The following GLIS3 variants were observed in gnomAD, a reference collection of about 807,000 sequenced individuals.
The protein encoded by GLIS3 is zinc finger protein GLIS3.
Under a neutral mutation model 78.6 loss-of-function variants are expected in GLIS3, and 53 were observed. That is an observed-to-expected ratio of 0.67 (90% CI 0.54 to 0.85). The LOEUF (loss-of-function observed/expected upper bound fraction) is 0.85. Ranked by LOEUF, GLIS3 falls within the 40% of genes least tolerant of loss-of-function variation. The pLI, the probability that GLIS3 is intolerant of heterozygous loss-of-function variation, is 0.00. For synonymous variants in GLIS3, 684 were observed against 509.9 expected, an observed-to-expected ratio of 1.34 and a Z score of -4.60; for missense variants, 1,703 against 1,231.1, an observed-to-expected ratio of 1.38 and a Z score of -5.74.
the GLIS3 span, among the ~76,000 whole-genome samples, chr9:4,369,380 A>G: frequency 2.4e-4 from 36 of 152,360 alleles, no homozygotes; most frequent in African/African-American, 7.9e-4. Context: ...AATAAGAACA[A>G]TAATACCAAT....
At chr9:4,067,876 A>G (rs1827239883) in intron 4 of GLIS3, among the ~76,000 whole-genome samples, 1 of 152,168 alleles carries the variant, frequency 6.6e-6, no homozygotes, top group African/African-American at 2.4e-5. Context: ...ATAGTTAAAA[A>G]TAGAAATGAA....
intron 2 of GLIS3, among the ~76,000 whole-genome samples, chr9:4,277,326 A>T (rs1417937282): frequency 6.6e-6 from 1 of 152,244 alleles, no homozygotes; most frequent in Admixed American, 6.5e-5. Context: ...TAACCAACTG[A>T]CCAAGCAAGC....
the GLIS3 span, among the ~76,000 whole-genome samples, chr9:4,383,385 T>C: frequency 2.6e-5 from 4 of 152,266 alleles, no homozygotes; most frequent in Non-Finnish European, 4.4e-5. Flanking sequence ...TTTCTTATTA[T>C]TGACTTAAAT....
the GLIS3 span, among the ~76,000 whole-genome samples, chr9:4,441,524 G>A: frequency 6.6e-6 from 1 of 152,182 alleles, no homozygotes; most frequent in Non-Finnish European, 1.5e-5. Flanking sequence ...TCTTCTCAAA[G>A]TGTTGTTAAA....
At position 4,310,693 on chromosome 9, in the gene GLIS3, A is replaced by C. The variant is rs146736150; in HGVS notation, n.265-165T>G. On this transcript the variant is annotated intron_variant and non_coding_transcript_variant, in intron 2 of 4. Coordinates refer to the GLIS3 transcript ENST00000471664. ...CCATCTTGCAAGCATGTGTGACACC[A>C]AGGACCTCCTACAATGAGCCAATCA... 3.2e-3 allele frequency among the ~76,000 whole-genome samples: 490 copies of C among 152,216 alleles called. 2 individuals are homozygous for C. Among genetic ancestry groups the C allele is most frequent in the African/African-American group, 0.012 (478 of 41,536 alleles).
the GLIS3 span, among the ~76,000 whole-genome samples, chr9:4,461,021 T>C: frequency 2.4e-4 from 36 of 151,902 alleles, no homozygotes; most frequent in East Asian, 6.9e-3. Flanking sequence ...CTAAGACCAG[T>C]CTTACTTTTT....
At chr9:4,232,179 A>T (rs1822313959) in intron 2 of GLIS3, among the ~76,000 whole-genome samples, 1 of 152,120 alleles carries the variant, frequency 6.6e-6, no homozygotes, top group African/African-American at 2.4e-5. Flanking sequence ...GGGGTTCAAG[A>T]CCATCCTAAG....
At chr9:4,408,834 CTA>C in the GLIS3 span, among the ~76,000 whole-genome samples, 1 of 150,052 alleles carries the variant, frequency 6.7e-6, no homozygotes, top group Non-Finnish European at 1.5e-5. Flanking sequence ...CTTAAAATAA[CTA>C]AAAGTATAAT....
chr9:4,196,054 A>G lies in GLIS3; in HGVS notation c.389-70113T>C, dbSNP rs951177396. Among the ~76,000 whole-genome samples, 4 of 151,938 alleles carry G rather than the reference A, an allele frequency of 2.6e-5. No individual in the cohort carries two copies. The East Asian group carries it at 7.7e-4, about 29-fold the overall frequency. On this transcript the variant is annotated intron_variant, in intron 2 of 10. Coordinates refer to ENST00000381971, the MANE Select transcript of GLIS3 (RefSeq NM_001042413.2). ...ACTTGGAGAACTTTTATGTCTAGCT[A>G]AAGGATTGTGAATGGACCAATCAGC... is the stretch of plus-strand genomic sequence containing the variant.
intron 4 of GLIS3, among the ~76,000 whole-genome samples, chr9:4,042,510 G>C (rs550691318): frequency 6.6e-6 from 1 of 152,258 alleles, no homozygotes; most frequent in African/African-American, 2.4e-5. Context: ...TAAAGAATGA[G>C]TAGAGCATAA....
upstream of GLIS3, among the ~76,000 whole-genome samples, chr9:4,352,396 T>C (rs1228837498): frequency 1.3e-5 from 2 of 152,236 alleles, no homozygotes; most frequent in Non-Finnish European, 2.9e-5. Context: ...TAGCTCACAA[T>C]TCACCTTGGG....
chr9:3,957,257 G>A (rs1161354212), intron 4 of GLIS3, among the ~76,000 whole-genome samples: 2 of 152,212 alleles, frequency 1.3e-5, no homozygotes, highest in Admixed American at 6.5e-5. Flanking sequence ...CATTAAACCT[G>A]TTCTTGTTGA....
the GLIS3 span, among the ~76,000 whole-genome samples, chr9:4,368,423 C>A: frequency 4.0e-5 from 6 of 151,576 alleles, no homozygotes; most frequent in Admixed American, 2.0e-4. Context: ...CTGCTCACTG[C>A]AAGCTCCGCT....
chr9:4,038,098 G>A (rs1399381117), intron 4 of GLIS3, among the ~76,000 whole-genome samples: 1 of 152,154 alleles, frequency 6.6e-6, no homozygotes. Flanking sequence ...CTGTTCACCT[G>A]GCTTGGAGGA....
intron 4 of GLIS3, among the ~76,000 whole-genome samples, chr9:4,068,746 C>G (rs1044192191): frequency 1.3e-5 from 2 of 151,958 alleles, no homozygotes; most frequent in Admixed American, 6.6e-5. Context: ...CAGTGAAAAC[C>G]TCGAAAAAGA....
chr9:3,839,326 G>C (rs918316179), intron 9 of GLIS3, among the ~76,000 whole-genome samples: 5 of 152,128 alleles, frequency 3.3e-5, no homozygotes, highest in African/African-American at 1.2e-4. Flanking sequence ...TAAAACAAAT[G>C]GGCAGCAGAA....
At chr9:3,905,645 C>T (rs1264441877) in intron 6 of GLIS3, among the ~76,000 whole-genome samples, 2 of 152,180 alleles carry the variant, frequency 1.3e-5, no homozygotes, top group African/African-American at 4.8e-5. Flanking sequence ...AGGGCCCCGT[C>T]TCCTTTCCCT....
chr9:4,280,088 T>C (rs999120526), intron 2 of GLIS3, among the ~76,000 whole-genome samples: 3 of 152,240 alleles, frequency 2.0e-5, no homozygotes, highest in African/African-American at 7.2e-5. Context: ...GGCACAATCA[T>C]GGCTCACCGC....
chr9:4,484,653 G>A, the GLIS3 span, among the ~76,000 whole-genome samples: 19 of 152,180 alleles, frequency 1.2e-4, no homozygotes, highest in African/African-American at 4.1e-4. Context: ...CCGACCTCAG[G>A]TGATCCACCC....
Sources: allele counts gnomAD v4.1 joint callset (sites outside exome capture counted in the v4.1 genomes callset), GRCh38; gene constraint gnomAD v4.1.1; transcripts MANE v1.5; gene names NCBI Gene and HGNC (gene_info 2026-07-23, HGNC 2026-07-21).